The following CELSR2 variants were observed in gnomAD, a reference collection of about 807,000 sequenced individuals.
The protein encoded by CELSR2 is cadherin EGF LAG seven-pass G-type receptor 2, also known as EGF-like protein 2.
CELSR2 carries 81 observed loss-of-function variants against 251.6 expected under a neutral mutation model. That is an observed-to-expected ratio of 0.32 (90% CI 0.27 to 0.39). The LOEUF is 0.39. CELSR2 is among the 10% of genes least tolerant of loss of function. CELSR2 has a pLI of 1.00. For missense variants in CELSR2, 3,365 were observed against 3,947.7 expected, an observed-to-expected ratio of 0.85 and a Z score of 3.96; for synonymous variants, 1,721 against 1,670.5, an observed-to-expected ratio of 1.03 and a Z score of -0.74.
At chr1:109,273,961 C>T (rs1238845143) in intron 33 of CELSR2, 61 bp from the exon 34 acceptor site, 1 of 1,593,230 alleles carries the variant, frequency 6.3e-7, no homozygotes, top group African/African-American at 1.3e-5. Flanking sequence ...TTCACTCTCT[C>T]CTCTGTTTCA....
At position 109,261,765 on chromosome 1, in the gene CELSR2, T is replaced by C. The variant is rs1170791926; in HGVS notation, c.4298-43T>C. ...CTGGCACCCCAAACCCTGCCATTCC[T>C]AGCCCTCGTCAGGCATTCCAGCTCA... is the stretch of plus-strand genomic sequence containing the variant. On this transcript the variant is annotated intron_variant, in intron 4 of 33. Coordinates refer to ENST00000271332, the MANE Select transcript of CELSR2 (RefSeq NM_001408.3). The surrounding 1 kb of genome is among the most constrained non-coding windows in gnomAD (Gnocchi z 4.8). 6.4e-6 allele frequency: 10 copies of C among 1,565,958 alleles called. No homozygotes were observed. Among genetic ancestry groups the C allele is most frequent in the Non-Finnish European group, 8.7e-6 (10 of 1,149,798 alleles).
Position 109,261,989 on chromosome 1 carries a change from C to A in CELSR2, c.4386+93C>A. 3 of 1,345,788 alleles carry A rather than the reference C, an allele frequency of 2.2e-6. No individual in the cohort carries two copies. Among genetic ancestry groups the A allele is most frequent in the Non-Finnish European group, 3.1e-6 (3 of 962,792 alleles). The allele number at this position is 1,345,788 out of a possible 1,614,324, so 83.4% of individuals were successfully genotyped here. ...GGCATTGCCTCCAGGCTTGGGTGGGCTGGTCAGGGCATTTCTGGCTGAGAG... is the reference window on the plus strand; with the variant it reads ...GGCATTGCCTCCAGGCTTGGGTGGGATGGTCAGGGCATTTCTGGCTGAGAG... On this transcript the variant is annotated intron_variant, in intron 5 of 33. Coordinates refer to ENST00000271332, the MANE Select transcript of CELSR2 (RefSeq NM_001408.3). The surrounding 1 kb of genome is among the most constrained non-coding windows in gnomAD (Gnocchi z 4.8).
chr1:109,259,879 C>G (rs1428433232), intron 2 of CELSR2, among the ~76,000 whole-genome samples: 2 of 152,134 alleles, frequency 1.3e-5, no homozygotes, highest in Admixed American at 6.5e-5. Context: ...CTCACTGTCT[C>G]TGCTCTATGC....
chr1:109,269,268 G>T lies in CELSR2; in HGVS notation c.6790G>T (p.Asp2264Tyr). ...GGCCGGGCTACTGCCTCATAACTAT[G>T]ACCCTGACAAGCGCAGCTTGAGGTC... ...TLAGLLPHNY[D>Y]PDKRSLRVPK... The change falls in exon 20 of 34, where the codon GAC becomes TAC. Residue 2264 changes from aspartate (D) to tyrosine (Y), a missense_variant. This residue lies in a region of CELSR2 where 2,093 missense variants were observed against 2,382.8 expected (regional missense o/e 0.88). Coordinates refer to ENST00000271332, the MANE Select transcript of CELSR2 (RefSeq NM_001408.3). This position sits in a 1 kb window ranked among gnomAD's most constrained non-coding sequence, Gnocchi z 6.4. 1 of 1,613,322 alleles carries T rather than the reference G, an allele frequency of 6.2e-7. No individual in the cohort carries two copies. The highest frequency in any genetic ancestry group is 1.1e-5 in the South Asian group (1 of 91,054).
chr1:109,273,400 T>G (rs1200357494), intron 32 of CELSR2, 36 bp from the exon 33 acceptor site: 2 of 1,607,798 alleles, frequency 1.2e-6, no homozygotes, highest in African/African-American at 2.7e-5. Flanking sequence ...CACATTCTCC[T>G]GTGGCCGCAC....
chr1:109,270,288 C>A, intron 23 of CELSR2, 138 bp from the exon 24 acceptor site: 4 of 1,259,332 alleles, frequency 3.2e-6, no homozygotes, highest in Non-Finnish European at 3.4e-6. Flanking sequence ...CCCCCGGGAT[C>A]CCCCAGCACC....
rs138543788 is a variant in CELSR2 at position 109,258,921 on chromosome 1, A to G, written c.3800A>G (p.His1267Arg). Residue 1267 changes from histidine (H) to arginine (R), a missense_variant, in exon 2 of 34, where the codon CAC becomes CGC. This residue lies in a region of CELSR2 where 2,093 missense variants were observed against 2,382.8 expected (regional missense o/e 0.88). Transcript: ENST00000271332. ...TCCTCCGTGCTCTTCCGGCCCATCC[A>G]CCCCGTCGGAGGGCTGCGCTGCCGC... ...ASSSVLFRPI[H>R]PVGGLRCRCP... 16,480 of 1,611,148 alleles carry G rather than the reference A, an allele frequency of 0.01. 113 individuals carry two copies. The highest frequency in any genetic ancestry group is 0.013 in the Admixed American group (759 of 59,898).
Position 109,252,293 on chromosome 1 carries a change from T to G in CELSR2, c.2214T>G (p.Asp738Glu). The change falls in exon 1 of 34, where the codon GAT becomes GAG. Residue 738 changes from aspartate to glutamate, a missense_variant. Asp to Glu is a conservative substitution (Grantham distance 45, BLOSUM62 2). Transcript: ENST00000271332. This position sits in a 1 kb window ranked among gnomAD's most constrained non-coding sequence, Gnocchi z 4.8. ...CGGTGGTGCTGATCAGCGCCACGGA[T>G]GAGGACACAGGTGAGAATGCCCGCA... is the stretch of plus-strand genomic sequence containing the variant. ...GTTVVLISAT[D>E]EDTGENARIT... 6.2e-7 allele frequency: 1 copy of G among 1,613,236 alleles called. No homozygotes were observed. The highest frequency in any genetic ancestry group is 8.5e-7 in the Non-Finnish European group (1 of 1,180,006).
rs758059664 is a variant in CELSR2 at position 109,258,559 on chromosome 1, A to G, written c.3438A>G (p.Leu1146=). The change falls in exon 2 of 34, where the codon CTA becomes CTG. Residue 1146 remains leucine, a synonymous_variant. Transcript: ENST00000271332. ...MSPERFLSPL[L]GLFIQAVAAT... ...CCGAGCGCTTCCTGTCACCACTGCT[A>G]GGCCTCTTCATCCAGGCGGTGGCCG... is the stretch of plus-strand genomic sequence containing the variant. The G allele has an allele frequency of 3.1e-6, 5 of 1,604,326 alleles. No homozygotes were observed. Among genetic ancestry groups the G allele is most frequent in the African/African-American group, 1.3e-5 (1 of 74,764 alleles).
chr1:109,250,947 G>A lies in CELSR2; in HGVS notation c.868G>A (p.Glu290Lys), dbSNP rs1229694403. 5 of 1,613,730 alleles carry A rather than the reference G, an allele frequency of 3.1e-6. No homozygotes were observed. Among genetic ancestry groups the A allele is most frequent in the East Asian group, 2.2e-5 (1 of 44,876 alleles). Residue 290 changes from glutamate (E) to lysine (K), a missense_variant, in exon 1 of 34, where the codon GAG becomes AAG. By Grantham distance (56) the Glu-to-Lys change is moderately conservative. Coordinates refer to ENST00000271332, the MANE Select transcript of CELSR2 (RefSeq NM_001408.3). This position sits in a 1 kb window ranked among gnomAD's most constrained non-coding sequence, Gnocchi z 4.4. ...CACCAATGACCATGACCCTGTGTTC[G>A]AGCAGCAGGAGTACAAGGAGAGCCT... ...TDTNDHDPVF[E>K]QQEYKESLRE...
chr1:109,263,278 C>A lies in CELSR2; in HGVS notation c.4834+11C>A. 1 of 1,564,186 alleles carries A rather than the reference C, an allele frequency of 6.4e-7. No individual in the cohort carries two copies. Among genetic ancestry groups the A allele is most frequent in the Non-Finnish European group, 8.7e-7 (1 of 1,148,016 alleles). On this transcript the variant is annotated intron_variant, in intron 8 of 33. Coordinates refer to ENST00000271332, the MANE Select transcript of CELSR2 (RefSeq NM_001408.3). ...AGAGCTGCGCCCAGGGTAGGAGGGG[C>A]GGCTGTTAGAGGCCACAGCCTGGGT... is the stretch of plus-strand genomic sequence containing the variant.
At position 109,270,006 on chromosome 1, in the gene CELSR2, CCTT is replaced by C. The variant is rs766875872; in HGVS notation, c.7189_7191del (p.Phe2397del). 5.6e-5 allele frequency: 91 copies of C among 1,614,130 alleles called. No homozygotes were observed. The highest frequency in any genetic ancestry group is 7.3e-5 in the Non-Finnish European group (86 of 1,180,020). ...GTCACCTTGGCTGCCCTTCTGCTCA[CCTT>C]CTTCTTCCTCACTCTCTTGCGTATC... On this transcript the variant is annotated inframe_deletion, in exon 23 of 34. Coordinates refer to ENST00000271332, the MANE Select transcript of CELSR2 (RefSeq NM_001408.3).
At chr1:109,257,238 A>T (rs1049323940) in intron 1 of CELSR2, among the ~76,000 whole-genome samples, 70 of 151,994 alleles carry the variant, frequency 4.6e-4, no homozygotes, top group African/African-American at 1.7e-3. Context: ...CTGTGGTCTC[A>T]GCTATTTGGG....
At position 109,250,113 on chromosome 1, in the gene CELSR2, A is replaced by ATGC. The variant is rs1557724988; in HGVS notation, c.34_35insTGC (p.Thr12delinsMetPro). The ATGC allele has an allele frequency of 3.3e-6, 5 of 1,514,752 alleles. No individual in the cohort carries two copies. The South Asian group carries it at 4.7e-5, about 14-fold the overall frequency. The allele number at this position is 1,514,752 out of a possible 1,614,324, so 93.8% of individuals were successfully genotyped here. A position where few individuals can be genotyped will look rare whatever the true frequency, so the allele number is the denominator to read the frequency against. ...CCCGGCCACCGGCGTCCCCCTCCCAACGCCGCCGCCGCCGCTGCTGCTGCT... is the reference window on the plus strand; with the variant it reads ...CCCGGCCACCGGCGTCCCCCTCCCAATGCCGCCGCCGCCGCCGCTGCTGCTGCT... On this transcript the variant is annotated protein_altering_variant, in exon 1 of 34. Coordinates refer to ENST00000271332, the MANE Select transcript of CELSR2 (RefSeq NM_001408.3). The surrounding 1 kb of genome is among the most constrained non-coding windows in gnomAD (Gnocchi z 4.4).
Position 109,267,662 on chromosome 1 carries a change from T to TC in CELSR2, c.6108+22dup. 6.2e-7 allele frequency: 1 copy of TC among 1,613,226 alleles called. No individual in the cohort carries two copies. The highest frequency in any genetic ancestry group is 8.5e-7 in the Non-Finnish European group (1 of 1,179,446). ...GGCTTCGTAAGTGAACCCCCTCATC[T>TC]CCATCTTTTCCCTGTCCTTCGTCCT... On this transcript the variant is annotated intron_variant, in intron 16 of 33. Transcript: ENST00000271332.
At position 109,263,163 on chromosome 1, in the gene CELSR2, T is replaced by A. The variant is rs1427819890; in HGVS notation, c.4730T>A (p.Val1577Glu). The A allele has an allele frequency of 6.3e-7, 1 of 1,599,366 alleles. No individual in the cohort carries two copies. Among genetic ancestry groups the A allele is most frequent in the Non-Finnish European group, 8.6e-7 (1 of 1,168,090 alleles). Residue 1577 changes from valine (V) to glutamate (E), a missense_variant, in exon 8 of 34, where the codon GTG (valine) becomes GAG (glutamate). This residue lies in a region of CELSR2 where 2,093 missense variants were observed against 2,382.8 expected (regional missense o/e 0.88). Transcript: ENST00000271332. ...TVPGCPAKKN[V>E]CDSNTCHNGG... ...CCAGGCTGCCCTGCCAAGAAGAACG[T>A]GTGTGACAGCAACACTTGCCACAAT...
rs1395930285 is a variant in CELSR2, at chr1:109,250,870, A to G, written c.791A>G (p.His264Arg). The change falls in exon 1 of 34, where the codon CAC (histidine) becomes CGC (arginine). Residue 264 changes from histidine to arginine, a missense_variant. His to Arg is a conservative substitution (Grantham distance 29). Coordinates refer to ENST00000271332, the MANE Select transcript of CELSR2 (RefSeq NM_001408.3). The surrounding 1 kb of genome is among the most constrained non-coding windows in gnomAD (Gnocchi z 4.4). ...GTCTTCAGGGTCACGGCGCAGGACC[A>G]CGGCATGCCCCGACGAAGTGCCCTG... is the stretch of plus-strand genomic sequence containing the variant. Reference protein sequence around the residue: ...THVFRVTAQDHGMPRRSALAT... With the variant: ...THVFRVTAQDRGMPRRSALAT... The G allele has an allele frequency of 6.2e-7, 1 of 1,614,034 alleles. No homozygotes were observed. The highest frequency in any genetic ancestry group is 8.5e-7 in the Non-Finnish European group (1 of 1,180,042).
rs779354688 is a variant in CELSR2 at position 109,258,676 on chromosome 1, G to T, written c.3555G>T (p.Leu1185=). ...GGGGCCACATCCTCAACGTGAGCCT[G>T]TCGGTGGGCCAGCCGCCAGGGCCCG... ...APGGHILNVS[L]SVGQPPGPGG... is the part of the protein sequence containing the mutation. The change falls in exon 2 of 34, where the codon CTG becomes CTT. Residue 1185 remains leucine, a synonymous_variant. Transcript: ENST00000271332. 6.5e-7 allele frequency: 1 copy of T among 1,547,700 alleles called. No individual in the cohort carries two copies.
chr1:109,274,311 G>A lies in CELSR2; in HGVS notation c.*262G>A. Reference sequence around the variant, plus strand: ...AACATCTCCAAGACAAAGTTTTTCAGAAAAGAGGAAAAAAAGAATTTAAAA... The same window carrying A: ...AACATCTCCAAGACAAAGTTTTTCAAAAAAGAGGAAAAAAAGAATTTAAAA... On this transcript the variant is annotated 3_prime_UTR_variant, in exon 34 of 34. Transcript: ENST00000271332. 1.4e-6 allele frequency: 1 copy of A among 696,120 alleles called. No individual in the cohort carries two copies. The highest frequency in any genetic ancestry group is 2.2e-6 in the Non-Finnish European group (1 of 453,844). The allele number at this position is 696,120 out of a possible 1,614,324, so 43.1% of individuals were successfully genotyped here.
Sources: gnomAD v4.1 joint callset for allele counts (sites outside exome capture counted in the v4.1 genomes callset) on GRCh38, gnomAD v4.1.1 for gene constraint, gnomAD v4.1.1 regional missense constraint, Gnocchi (gnomAD v3.1) non-coding constraint, MANE v1.5 for transcripts, NCBI Gene and HGNC (gene_info 2026-07-23, HGNC 2026-07-21) for gene names.